DCPH1: variants seen among roughly 807,000 people sequenced by gnomAD.
The protein encoded by DCPH1 is damage control phosphatase 1.
At chr6:151,455,244 GT>G in the DCPH1 span, among the ~76,000 whole-genome samples, 1 of 152,210 alleles carries the variant, frequency 6.6e-6, no homozygotes, top group Non-Finnish European at 1.5e-5. Flanking sequence ...ACCTGTGGGT[GT>G]TTCTCGTAAG....
At chr6:151,469,254 G>T in the DCPH1 span, 1 of 592,582 alleles carries the variant, frequency 1.7e-6, no homozygotes, top group Admixed American at 3.6e-5. Context: ...TACGTGCACT[G>T]GATGATTTTT....
At chr6:151,453,292 C>T in the DCPH1 span, among the ~76,000 whole-genome samples, 2 of 152,146 alleles carry the variant, frequency 1.3e-5, no homozygotes, top group Non-Finnish European at 2.9e-5. Context: ...CAGTCCTGGC[C>T]AGAGACTTTG....
the DCPH1 span, chr6:151,452,650 GA>G: frequency 6.6e-7 from 1 of 1,513,614 alleles, no homozygotes; most frequent in East Asian, 2.5e-5. Context: ...AGCCTGTGGG[GA>G]CTAAGCGGAG....
At chr6:151,465,370 A>G in the DCPH1 span, among the ~76,000 whole-genome samples, 4 of 152,180 alleles carry the variant, frequency 2.6e-5, no homozygotes, top group African/African-American at 9.7e-5. Context: ...GAAGAGAAAT[A>G]AAGCAGGAAA....
chr6:151,468,560 T>G, the DCPH1 span: 1 of 1,614,078 alleles, frequency 6.2e-7, no homozygotes, highest in African/African-American at 1.3e-5. Context: ...GGATTTGAGC[T>G]TGTTACAGAT....
the DCPH1 span, chr6:151,468,947 C>T: frequency 6.2e-7 from 1 of 1,614,068 alleles, no homozygotes; most frequent in African/African-American, 1.3e-5. Context: ...TTTCATCAGG[C>T]TCTGAATGGC....
the DCPH1 span, among the ~76,000 whole-genome samples, chr6:151,461,639 C>G: frequency 1.3e-5 from 2 of 152,158 alleles, no homozygotes; most frequent in African/African-American, 4.8e-5. Flanking sequence ...CCGTTGTACT[C>G]CAGCCTGGGC....
chr6:151,468,953 A>G, the DCPH1 span: 2 of 1,614,110 alleles, frequency 1.2e-6, no homozygotes, highest in Admixed American at 1.7e-5. Context: ...CAGGCTCTGA[A>G]TGGCTTCCAT....
chr6:151,463,960 A>G, the DCPH1 span, among the ~76,000 whole-genome samples: 2 of 152,214 alleles, frequency 1.3e-5, no homozygotes, highest in East Asian at 1.9e-4. Context: ...TAAAACTTAC[A>G]ATAGTATTGT....
chr6:151,456,978 C>T, the DCPH1 span, among the ~76,000 whole-genome samples: 1 of 152,216 alleles, frequency 6.6e-6, no homozygotes, highest in African/African-American at 2.4e-5. Flanking sequence ...TCACACTCTA[C>T]TGAGCACAGA....
the DCPH1 span, among the ~76,000 whole-genome samples, chr6:151,453,377 A>T: frequency 5.4e-4 from 82 of 152,342 alleles, no homozygotes; most frequent in African/African-American, 2.0e-3. Flanking sequence ...TCAAAAAAGG[A>T]CTTACTATAC....
the DCPH1 span, among the ~76,000 whole-genome samples, chr6:151,467,475 C>G: frequency 6.6e-6 from 1 of 152,036 alleles, no homozygotes; most frequent in Admixed American, 6.5e-5. Flanking sequence ...TCTGTTTTGG[C>G]TAGTGTTTAT....
the DCPH1 span, among the ~76,000 whole-genome samples, chr6:151,456,161 C>G: frequency 2.0e-5 from 3 of 152,246 alleles, no homozygotes; most frequent in East Asian, 5.8e-4. Flanking sequence ...CAGTAACAAT[C>G]TGATCTCTCT....
chr6:151,469,375 A>G, the DCPH1 span: 1 of 342,454 alleles, frequency 2.9e-6, no homozygotes. Context: ...GGTTAAATAT[A>G]TAATTTCAAG....
the DCPH1 span, among the ~76,000 whole-genome samples, chr6:151,462,445 G>C: frequency 2.0e-5 from 3 of 152,126 alleles, no homozygotes; most frequent in African/African-American, 7.2e-5. Context: ...GTATAGTTTT[G>C]TGTCTGGCTT....
At chr6:151,465,248 A>T in the DCPH1 span, among the ~76,000 whole-genome samples, 154 of 152,314 alleles carry the variant, frequency 1.0e-3, 1 homozygote, top group African/African-American at 3.6e-3. Flanking sequence ...TTTACAACAC[A>T]TTATTAGAAT....
chr6:151,469,599 T>G, the DCPH1 span: 5 of 152,802 alleles, frequency 3.3e-5, no homozygotes, highest in African/African-American at 1.2e-4. Flanking sequence ...AGAGAGGCAT[T>G]TCTTACAACT....
chr6:151,468,322 T>A, the DCPH1 span: 1 of 1,507,296 alleles, frequency 6.6e-7, no homozygotes, highest in African/African-American at 1.4e-5. Flanking sequence ...GGGTGAATAT[T>A]TTGTACTTTT....
chr6:151,461,187 G>A, the DCPH1 span, among the ~76,000 whole-genome samples: 1 of 152,214 alleles, frequency 6.6e-6, no homozygotes, highest in African/African-American at 2.4e-5. Flanking sequence ...CTGCCAAAGT[G>A]TTGAAAGACT....
Sources: gnomAD v4.1 joint callset for allele counts (sites outside exome capture counted in the v4.1 genomes callset) on GRCh38, gnomAD v4.1.1 for gene constraint, MANE v1.5 for transcripts, NCBI Gene and HGNC (gene_info 2026-07-23, HGNC 2026-07-21) for gene names.